Variants in ERC2 observed in about 807,000 individuals in gnomAD.
ERC2 encodes ERC protein 2.
In ERC2, 42 loss-of-function variants were observed where a neutral mutation model predicts 114.8. The observed-to-expected ratio is 0.37, with a 90% confidence interval of 0.29 to 0.47. The LOEUF is 0.47. Ranked by LOEUF, ERC2 falls within the 20% of genes least tolerant of loss-of-function variation. The pLI is 0.99. For synonymous variants in ERC2, 454 were observed against 425.5 expected (o/e 1.07, Z -0.82); for missense variants, 939 against 1,150.7 (o/e 0.82, Z 2.66).
intron 2 of ERC2, among the ~76,000 whole-genome samples, chr3:56,423,562 C>T (rs375455452): frequency 7.2e-5 from 11 of 152,362 alleles, no homozygotes; most frequent in African/African-American, 2.2e-4. Context: ...AGACAGCTCA[C>T]GCCCAGCCAT....
chr3:55,607,952 C>T (rs1219638517), intron 17 of ERC2: 2 of 152,022 alleles, frequency 1.3e-5, no homozygotes, highest in African/African-American at 4.8e-5. Flanking sequence ...AACCAGATAG[C>T]TTATGAAGCC....
At chr3:56,405,291 A>G (rs2060671527) in intron 2 of ERC2, among the ~76,000 whole-genome samples, 1 of 152,112 alleles carries the variant, frequency 6.6e-6, no homozygotes, top group East Asian at 1.9e-4. Context: ...TAAAAATACA[A>G]AAATTAGCCG....
chr3:55,784,733 T>C (rs1018843810), intron 14 of ERC2, among the ~76,000 whole-genome samples: 1 of 152,240 alleles, frequency 6.6e-6, no homozygotes, highest in Non-Finnish European at 1.5e-5. Context: ...ATCTTAATTT[T>C]CAAATTGTGC....
chr3:56,026,772 C>T (rs113363135), intron 7 of ERC2, among the ~76,000 whole-genome samples: 21 of 152,258 alleles, frequency 1.4e-4, no homozygotes, highest in East Asian at 1.4e-3. Flanking sequence ...TACAACCCAA[C>T]GGCCTTATTC....
chr3:55,915,572 CAT>C lies in ERC2; in HGVS notation c.2404-27025_2404-27024del, dbSNP rs1255151771. Among the ~76,000 whole-genome samples the C allele has an allele frequency of 2.6e-5, 4 of 152,166 alleles. No homozygotes were observed. The East Asian group carries it at 7.7e-4, about 29-fold the overall frequency. On this transcript the variant is annotated intron_variant, in intron 13 of 17. Transcript: ENST00000288221. The stretch of plus-strand genomic sequence containing the variant: ...AGTGAATTTGGATTCATGAAAGACA[CAT>C]GACATTTGAGCTAATGGGGATGTAC...
intron 14 of ERC2, among the ~76,000 whole-genome samples, chr3:55,877,546 C>T (rs1395900430): frequency 2.1e-5 from 3 of 145,200 alleles, no homozygotes; most frequent in African/African-American, 5.2e-5. Flanking sequence ...GGGTCTCACT[C>T]TGTCACTCAG....
intron 2 of ERC2, among the ~76,000 whole-genome samples, chr3:56,364,412 C>CAT (rs1283869569): frequency 2.0e-5 from 3 of 152,160 alleles, no homozygotes; most frequent in African/African-American, 7.2e-5. Context: ...TTATGTTACA[C>CAT]ATATATAAAC....
At chr3:56,397,838 C>T (rs1385031450) in intron 2 of ERC2, among the ~76,000 whole-genome samples, 1 of 152,238 alleles carries the variant, frequency 6.6e-6, no homozygotes, top group Non-Finnish European at 1.5e-5. Flanking sequence ...CTCCGCCATG[C>T]ATGGCCTCAT....
intron 12 of ERC2, among the ~76,000 whole-genome samples, chr3:55,957,745 T>G (rs1576356777): frequency 6.6e-6 from 1 of 152,066 alleles, no homozygotes. Context: ...GGGGGGCAGC[T>G]CCAGGCGCCT....
At chr3:55,594,212 T>C (rs2058032370) in intron 17 of ERC2, among the ~76,000 whole-genome samples, 1 of 152,194 alleles carries the variant, frequency 6.6e-6, no homozygotes. Flanking sequence ...GGCAGATACA[T>C]GTTCAAGGAA....
At chr3:55,576,034 G>A (rs552387858) in intron 17 of ERC2, among the ~76,000 whole-genome samples, 34 of 152,222 alleles carry the variant, frequency 2.2e-4, no homozygotes, top group South Asian at 4.2e-4. Flanking sequence ...AAATAGGTTG[G>A]GTACGGTGGC....
chr3:56,437,808 C>G (rs1264381608), intron 1 of ERC2, among the ~76,000 whole-genome samples: 1 of 152,148 alleles, frequency 6.6e-6, no homozygotes, highest in Non-Finnish European at 1.5e-5. Flanking sequence ...AATAGTGGAA[C>G]AGGCAGTTAC....
At chr3:55,869,597 AT>A (rs1359474335) in intron 14 of ERC2, among the ~76,000 whole-genome samples, 1 of 152,140 alleles carries the variant, frequency 6.6e-6, no homozygotes, top group Non-Finnish European at 1.5e-5. Context: ...TCCTGAAAGC[AT>A]TCCTCAACCA....
intron 16 of ERC2, among the ~76,000 whole-genome samples, chr3:55,698,166 T>C (rs1234188919): frequency 6.6e-6 from 1 of 151,798 alleles, no homozygotes; most frequent in Non-Finnish European, 1.5e-5. Context: ...GAAATCTAGA[T>C]TTTTTTCTGT....
chr3:55,602,954 G>C (rs1038066060), intron 17 of ERC2, among the ~76,000 whole-genome samples: 22 of 152,236 alleles, frequency 1.4e-4, no homozygotes, highest in African/African-American at 5.3e-4. Flanking sequence ...CAGAGGGTGG[G>C]ACAGGGCATG....
chr3:56,230,500 T>C (rs1359576688), intron 3 of ERC2, among the ~76,000 whole-genome samples: 1 of 152,084 alleles, frequency 6.6e-6, no homozygotes, highest in African/African-American at 2.4e-5. Flanking sequence ...GCTCAAGCAC[T>C]CTTCTTGTCT....
At position 56,040,591 on chromosome 3, in the gene ERC2, ATAT is replaced by A. The variant is rs1576670244; in HGVS notation, c.1642-21563_1642-21561del. 1.3e-4 allele frequency among the ~76,000 whole-genome samples: 16 copies of A among 124,456 alleles called. 2 individuals are homozygous for A. Among genetic ancestry groups the A allele is most frequent in the African/African-American group, 3.0e-4 (10 of 33,628 alleles). The allele number at this position is 124,456 out of a possible 152,430, so 81.6% of individuals were successfully genotyped here. Reference sequence around the variant, plus strand: ...TGTATATATGTATACATATACATATATATCTATATATGTATATATAATATATAG... The same window carrying A: ...TGTATATATGTATACATATACATATACTATATATGTATATATAATATATAG... On this transcript the variant is annotated intron_variant, in intron 7 of 17. Transcript: ENST00000288221.
intron 14 of ERC2, among the ~76,000 whole-genome samples, chr3:55,884,804 A>C (rs184914197): frequency 2.6e-5 from 4 of 152,264 alleles, no homozygotes; most frequent in Admixed American, 6.5e-5. Flanking sequence ...AAGGAATTTA[A>C]CAGATACCAC....
chr3:56,218,307 A>G lies in ERC2; in HGVS notation c.1075-44787T>C, dbSNP rs181340430. 6.7e-3 allele frequency among the ~76,000 whole-genome samples: 1,021 copies of G among 152,238 alleles called. 15 individuals are homozygous for G. Among genetic ancestry groups the G allele is most frequent in the African/African-American group, 0.024 (979 of 41,522 alleles). On this transcript the variant is annotated intron_variant, in intron 3 of 17. Coordinates refer to ENST00000288221, the MANE Select transcript of ERC2 (RefSeq NM_015576.3). ...CAAATTTACAAGAAAAAAACAAACA[A>G]CCCCATCAACAAGTGGGTGAAGGAC...
Sources: gnomAD v4.1 joint callset for allele counts (sites outside exome capture counted in the v4.1 genomes callset) on GRCh38, gnomAD v4.1.1 for gene constraint, MANE v1.5 for transcripts, NCBI Gene and HGNC (gene_info 2026-07-23, HGNC 2026-07-21) for gene names.